Variants in MYO1C observed in about 807,000 individuals in gnomAD.
MYO1C encodes the protein myosin IC.
MYO1C carries 104 observed loss-of-function variants against 150.8 expected under a neutral mutation model. That is an observed-to-expected ratio of 0.69 (90% confidence interval 0.59 to 0.81). The LOEUF (loss-of-function observed/expected upper bound fraction) is 0.81. Ranked by LOEUF, MYO1C falls within the 30% of genes least tolerant of loss-of-function variation. The pLI is 0.00. For missense variants in MYO1C, 1,504 were observed against 1,435.0 expected (o/e 1.05, Z -0.78); for synonymous variants, 663 against 579.9 (o/e 1.14, Z -2.06).
At chr17:1,482,441 T>C in intron 5 of MYO1C, 37 bp downstream of exon 5, 2 of 1,581,126 alleles carry the variant, frequency 1.3e-6, no homozygotes, top group African/African-American at 2.7e-5. Context: ...TAGAGCCTAC[T>C]GAATGGGAAT....
Position 1,470,694 on chromosome 17 carries a change from G to T in MYO1C, c.2213-5C>A, listed in dbSNP as rs749571953. The T allele has an allele frequency of 6.2e-7, 1 of 1,602,098 alleles. No individual in the cohort carries two copies. Among genetic ancestry groups the T allele is most frequent in the African/African-American group, 1.3e-5 (1 of 74,872 alleles). On this transcript the variant is annotated splice_polypyrimidine_tract_variant and splice_region_variant and intron_variant, in intron 21 of 31. Transcript: ENST00000648651. ...AGGCAGCTTGGATCTTTGTGGCTGC[G>T]GTTGGGAAAGAAAGGCAATTGGCCA...
Position 1,468,354 on chromosome 17 carries a change from G to C in MYO1C, c.2705-46C>G. The C allele has an allele frequency of 1.9e-6, 3 of 1,613,622 alleles. No individual in the cohort carries two copies. In the East Asian group the frequency reaches 6.7e-5, roughly 36 times the overall value. On this transcript the variant is annotated intron_variant, in intron 26 of 31. Coordinates refer to ENST00000648651, the MANE Select transcript of MYO1C (RefSeq NM_001080779.2). ...AGGGAAGTCAGTGGAGGCAATGGGG[G>C]ACCAGGATGGTGACGAAAGGTCTGA...
Position 1,483,619 on chromosome 17 carries a change from G to A in MYO1C, c.338C>T (p.Pro113Leu). Residue 113 changes from proline (P) to leucine (L), a missense_variant, in exon 3 of 32, where the codon CCC becomes CTC. Transcript: ENST00000648651. ...RYRGVSFYEV[P>L]PHLFAVADTV... Reference sequence around the variant, plus strand: ...GGCTGGGGTCACTCACAGGTGAGGGGGCACTTCATAGAAGCTGACGCCACG... The same window carrying A: ...GGCTGGGGTCACTCACAGGTGAGGGAGCACTTCATAGAAGCTGACGCCACG... 5.6e-6 allele frequency: 9 copies of A among 1,609,168 alleles called. No individual in the cohort carries two copies. The highest frequency in any genetic ancestry group is 1.3e-5 in the African/African-American group (1 of 75,014).
intron 31 of MYO1C, among the ~76,000 whole-genome samples, chr17:1,465,979 T>C (rs1263938415): frequency 1.3e-5 from 2 of 151,776 alleles, no homozygotes; most frequent in Non-Finnish European, 2.9e-5. Flanking sequence ...AGCGCTCAGA[T>C]TCATGGGTTC....
At chr17:1,492,286 T>C in intron 1 of MYO1C, 127 bp downstream of exon 1, 1 of 906,676 alleles carries the variant, frequency 1.1e-6, no homozygotes, top group South Asian at 1.4e-5. Flanking sequence ...CAGTCTGTTC[T>C]GGCCCCGCCA....
intron 1 of MYO1C, among the ~76,000 whole-genome samples, chr17:1,489,404 G>A (rs1317275821): frequency 6.6e-6 from 1 of 152,234 alleles, no homozygotes; most frequent in African/African-American, 2.4e-5. Context: ...GGTGCAGTGA[G>A]TGGCTCACAC....
chr17:1,481,293 T>G, intron 5 of MYO1C: 1 of 250,002 alleles, frequency 4.0e-6, no homozygotes, highest in South Asian at 5.2e-5. Context: ...CTACATCCAA[T>G]CAGGCAGCTC....
At chr17:1,486,455 C>T (rs1036281749) in intron 1 of MYO1C, among the ~76,000 whole-genome samples, 2 of 152,126 alleles carry the variant, frequency 1.3e-5, no homozygotes, top group African/African-American at 4.8e-5. Flanking sequence ...GGCCCACAGC[C>T]TCTCCCCACC....
intron 4 of MYO1C, 50 bp from the exon 5 acceptor site, chr17:1,482,608 T>A: frequency 3.5e-6 from 4 of 1,148,244 alleles, no homozygotes; most frequent in East Asian, 3.6e-5. Context: ...CCCCCTGCCC[T>A]CCCCACCCCG....
In MYO1C at chr17:1,478,406, C is replaced by A. The variant is rs116845928; in HGVS notation, c.1295+4G>T. ...AGGAGAGACGGGGGAAAGATGGCAC[C>A]GACCTGTTATGCTGAAACACTTCAA... On this transcript the variant is annotated splice_donor_region_variant and intron_variant, in intron 11 of 31. Transcript: ENST00000648651. This position sits in a 1 kb window ranked among gnomAD's most constrained non-coding sequence, Gnocchi z 6.3. 6.2e-7 allele frequency: 1 copy of A among 1,614,092 alleles called. No homozygotes were observed. The highest frequency in any genetic ancestry group is 1.1e-5 in the South Asian group (1 of 91,078).
chr17:1,472,090 C>A lies in MYO1C; in HGVS notation c.1903+33G>T, dbSNP rs749680160. ...ACGGCCTGTCTCCTGCAGGGGAGGCCCGGCCCCGAAGTCCCCCGTGGGAGG... is the reference window on the plus strand; with the variant it reads ...ACGGCCTGTCTCCTGCAGGGGAGGCACGGCCCCGAAGTCCCCCGTGGGAGG... On this transcript the variant is annotated intron_variant, in intron 18 of 31. Coordinates refer to ENST00000648651, the MANE Select transcript of MYO1C (RefSeq NM_001080779.2). The A allele has an allele frequency of 5.0e-6, 8 of 1,613,228 alleles. No homozygotes were observed. In the Admixed American group the frequency reaches 1.3e-4, roughly 27 times the overall value.
chr17:1,490,355 G>A (rs1222124606), intron 1 of MYO1C, among the ~76,000 whole-genome samples: 1 of 151,988 alleles, frequency 6.6e-6, no homozygotes, highest in Non-Finnish European at 1.5e-5. Context: ...AAAATTAGCT[G>A]GGCGCGGTGG....
Position 1,478,616 on chromosome 17 carries a change from C to T in MYO1C, c.1212G>A (p.Lys404=), listed in dbSNP as rs766767528. The change falls in exon 10 of 32, where the codon AAG becomes AAA. Residue 404 remains lysine, a splice_region_variant and synonymous_variant. Transcript: ENST00000648651. The surrounding 1 kb of genome is among the most constrained non-coding windows in gnomAD (Gnocchi z 6.3). ...GGAGCAGTGTGGACCGAGCCCTCAC[C>T]TTGGAGGCCAGCGACCTGTTGATCT... ...VGKINRSLAS[K]DVESPSWRST... 1.2e-6 allele frequency: 2 copies of T among 1,613,974 alleles called. No individual in the cohort carries two copies. Among genetic ancestry groups the T allele is most frequent in the African/African-American group, 1.3e-5 (1 of 74,930 alleles).
intron 5 of MYO1C, 128 bp downstream of exon 5, chr17:1,482,350 G>C: frequency 1.2e-6 from 1 of 865,970 alleles, no homozygotes; most frequent in Non-Finnish European, 1.9e-6. Flanking sequence ...CTGGAAGGCA[G>C]GATTTTTGTT....
chr17:1,468,250 T>C lies in MYO1C; in HGVS notation c.2760+3A>G, dbSNP rs1182506083. On this transcript the variant is annotated splice_donor_region_variant and intron_variant, in intron 27 of 31. Transcript: ENST00000648651. Reference sequence around the variant, plus strand: ...GGACTCAGGGCTGCAGGCAGGCTCTTACCTGAATGGGCTCAGAGCCCAAGG... The same window carrying C: ...GGACTCAGGGCTGCAGGCAGGCTCTCACCTGAATGGGCTCAGAGCCCAAGG... 1 of 1,613,498 alleles carries C rather than the reference T, an allele frequency of 6.2e-7. No homozygotes were observed. Among genetic ancestry groups the C allele is most frequent in the Admixed American group, 1.7e-5 (1 of 59,976 alleles).
intron 1 of MYO1C, among the ~76,000 whole-genome samples, chr17:1,490,356 G>C (rs1354907558): frequency 6.6e-6 from 1 of 151,988 alleles, no homozygotes; most frequent in Non-Finnish European, 1.5e-5. Context: ...AAATTAGCTG[G>C]GCGCGGTGGC....
intron 17 of MYO1C, 84 bp from the exon 18 acceptor site, chr17:1,472,312 T>C: frequency 8.3e-7 from 1 of 1,202,148 alleles, no homozygotes; most frequent in Non-Finnish European, 1.2e-6. Context: ...CTCCCCTGGC[T>C]GGTGACGCGC....
rs1287347025 is a variant in MYO1C, at chr17:1,473,252, G to T, written c.1798-1024C>A. Reference sequence around the variant, plus strand: ...GATGACACCCAGGTTTCTGGCCTGGGGGACTGGGTCAAAGAAGGAGAAAGC... The same window carrying T: ...GATGACACCCAGGTTTCTGGCCTGGTGGACTGGGTCAAAGAAGGAGAAAGC... On this transcript the variant is annotated intron_variant, in intron 17 of 31. Coordinates refer to ENST00000648651, the MANE Select transcript of MYO1C (RefSeq NM_001080779.2). 2.6e-5 allele frequency among the ~76,000 whole-genome samples: 4 copies of T among 152,130 alleles called. No individual in the cohort carries two copies. In the East Asian group the frequency reaches 7.7e-4, roughly 29 times the overall value.
At chr17:1,489,524 T>G (rs921140876) in intron 1 of MYO1C, among the ~76,000 whole-genome samples, 1 of 151,192 alleles carries the variant, frequency 6.6e-6, no homozygotes, top group African/African-American at 2.4e-5. Context: ...ACTAAAATTT[T>G]TTTAAAAAGT....
Sources: allele counts gnomAD v4.1 joint callset (sites outside exome capture counted in the v4.1 genomes callset), GRCh38; gene constraint gnomAD v4.1.1; non-coding constraint Gnocchi (gnomAD v3.1); transcripts MANE v1.5; gene names NCBI Gene and HGNC (gene_info 2026-07-23, HGNC 2026-07-21).